The following AMOTL2 variants were observed in gnomAD, a reference collection of about 807,000 sequenced individuals.
The protein encoded by AMOTL2 is angiomotin like 2, also known as angiomotin-like protein 2.
A neutral mutation model predicts 78.4 loss-of-function variants in AMOTL2; 33 were observed. That is an observed-to-expected ratio of 0.42 (90% CI 0.32 to 0.56). The LOEUF is 0.56. Among genes scored for constraint, AMOTL2 ranks in the 20% least tolerant of loss-of-function variants. The pLI, the probability that AMOTL2 is intolerant of heterozygous loss-of-function variation, is 0.12. For synonymous variants in AMOTL2, 422 were observed against 428.8 expected (o/e 0.98, Z 0.20); for missense variants, 983 against 1,030.1 (o/e 0.95, Z 0.63).
intron 1 of AMOTL2, 140 bp from the exon 2 acceptor site, chr3:134,371,634 C>G: frequency 7.3e-7 from 1 of 1,378,910 alleles, no homozygotes; most frequent in Non-Finnish European, 9.5e-7. Context: ...TTCACACAAG[C>G]CTGGGTTCAA....
chr3:134,361,872 G>C, intron 5 of AMOTL2, 65 bp from the exon 6 acceptor site: 1 of 1,396,352 alleles, frequency 7.2e-7, no homozygotes, highest in Non-Finnish European at 9.6e-7. Context: ...TGCCTCCTGG[G>C]CTCAGTGCTG....
At chr3:134,374,151 C>T in intron 1 of AMOTL2, 191 bp downstream of exon 1, 1 of 823,008 alleles carries the variant, frequency 1.2e-6, no homozygotes, top group Non-Finnish European at 1.5e-6. Context: ...CAGCGCGCTG[C>T]GCTCCCTGGG....
Position 134,361,761 on chromosome 3 carries a change from T to G in AMOTL2, c.1326A>C (p.Ala442=), listed in dbSNP as rs1576577020. ...GGTCCTCGATGGCGCCGCGCAGCAG[T>G]GCCATCTCTCGCTCCAGCTTCTCTT... The part of the protein sequence containing the change: ...QEQEKLEREM[A]LLRGAIEDQR... Residue 442 remains alanine, a synonymous_variant, in exon 6 of 10, where the codon GCA becomes GCC. Coordinates refer to ENST00000249883, the MANE Select transcript of AMOTL2 (RefSeq NM_016201.4). 1.3e-6 allele frequency: 2 copies of G among 1,583,296 alleles called. No homozygotes were observed. The highest frequency in any genetic ancestry group is 1.7e-6 in the Non-Finnish European group (2 of 1,162,462).
At chr3:134,361,362 AT>A in intron 6 of AMOTL2, 149 bp downstream of exon 6, 1 of 926,344 alleles carries the variant, frequency 1.1e-6, no homozygotes, top group Non-Finnish European at 1.6e-6. Context: ...GAGAGCAATC[AT>A]CCTCGCCGCC....
In AMOTL2 at chr3:134,357,728, C is replaced by A. The variant is rs1193671193; in HGVS notation, c.2320G>T (p.Asp774Tyr). The change falls in exon 10 of 10, where the codon GAC (aspartate) becomes TAC (tyrosine). Residue 774 changes from aspartate to tyrosine, a missense_variant. Coordinates refer to ENST00000249883, the MANE Select transcript of AMOTL2 (RefSeq NM_016201.4). ...CTTCAGATCAGTATCTCCACCATGT[C>A]TGACAAGTCCTGGACTCTGGATGTA... ...VATSRVQDLS[D>Y]MVEILI 1.2e-6 allele frequency: 2 copies of A among 1,614,214 alleles called. No homozygotes were observed. The highest frequency in any genetic ancestry group is 4.5e-5 in the East Asian group (2 of 44,884).
intron 1 of AMOTL2, chr3:134,373,888 G>C: frequency 1.1e-6 from 1 of 948,598 alleles, no homozygotes; most frequent in Non-Finnish European, 1.3e-6. Context: ...CTCCAGAGAG[G>C]ATTTTCCAAG....
rs2107736972 is a variant in AMOTL2, at chr3:134,360,288, G to A, written c.1701C>T (p.Thr567=). ...EQILALEADM[T]KWEQKYLEER... ...CCTCCAAATACTTCTGCTCCCACTT[G>A]GTCATGTCGGCCTCCAGCGCCAGGA... Residue 567 remains threonine, a synonymous_variant, in exon 7 of 10, where the codon ACC becomes ACT. Coordinates refer to ENST00000249883, the MANE Select transcript of AMOTL2 (RefSeq NM_016201.4). 6.2e-7 allele frequency: 1 copy of A among 1,614,206 alleles called. No homozygotes were observed. Among genetic ancestry groups the A allele is most frequent in the Non-Finnish European group, 8.5e-7 (1 of 1,180,034 alleles).
In AMOTL2 at chr3:134,355,845, AGTGCAAAGTCTCACCT is replaced by A. The variant is rs962063517; in HGVS notation, c.*1844_*1859del. The stretch of plus-strand genomic sequence containing the variant: ...AAATCCTCACCCTTTCCCTTCCCTC[AGTGCAAAGTCTCACCT>A]GTGCAAAGACATCACTTTTAATTAT... On this transcript the variant is annotated 3_prime_UTR_variant, in exon 10 of 10. Coordinates refer to ENST00000249883, the MANE Select transcript of AMOTL2 (RefSeq NM_016201.4). 5 of 152,614 alleles carry A rather than the reference AGTGCAAAGTCTCACCT, an allele frequency of 3.3e-5. No individual in the cohort carries two copies. The highest frequency in any genetic ancestry group is 6.5e-5 in the Admixed American group (1 of 15,282). The allele number at this position is 152,614 out of a possible 1,614,324, so 9.5% of individuals were successfully genotyped here.
intron 5 of AMOTL2, among the ~76,000 whole-genome samples, chr3:134,362,861 G>A (rs1398366574): frequency 6.6e-6 from 1 of 152,188 alleles, no homozygotes; most frequent in Non-Finnish European, 1.5e-5. Flanking sequence ...CTGGAGAGCA[G>A]GTGGGGGGCA....
chr3:134,357,623 G>T lies in AMOTL2; in HGVS notation c.*82C>A. On this transcript the variant is annotated 3_prime_UTR_variant, in exon 10 of 10. Transcript: ENST00000249883. ...TGGGGAAAGGGACGGAGCAGCGGTT[G>T]ACGGGGCTGCTGAAATGGCTGAGAG... The T allele has an allele frequency of 7.2e-7, 1 of 1,391,294 alleles. No homozygotes were observed. Among genetic ancestry groups the T allele is most frequent in the South Asian group, 1.2e-5 (1 of 86,482 alleles). 86.2% of individuals were successfully genotyped at this position (1,391,294 alleles called of 1,614,324 possible).
intron 1 of AMOTL2, chr3:134,374,125 A>G: frequency 1.6e-6 from 1 of 644,416 alleles, no homozygotes; most frequent in Non-Finnish European, 1.9e-6. Flanking sequence ...GCGCGTTTCT[A>G]GAGCCCCGCA....
In AMOTL2 at chr3:134,355,925, C is replaced by A. The variant is rs1035560500; in HGVS notation, c.*1780G>T. 6.6e-6 allele frequency: 1 copy of A among 152,504 alleles called. No homozygotes were observed. Among genetic ancestry groups the A allele is most frequent in the Non-Finnish European group, 1.5e-5 (1 of 68,018 alleles). The allele number at this position is 152,504 out of a possible 1,614,324, so 9.4% of individuals were successfully genotyped here. On this transcript the variant is annotated 3_prime_UTR_variant, in exon 10 of 10. Coordinates refer to ENST00000249883, the MANE Select transcript of AMOTL2 (RefSeq NM_016201.4). Reference sequence around the variant, plus strand: ...AAATACTGTTATACCCAGTGGAATGCGGCAGCAATCCTGGTACAGGGTGGC... The same window carrying A: ...AAATACTGTTATACCCAGTGGAATGAGGCAGCAATCCTGGTACAGGGTGGC...
At chr3:134,371,841 T>G in intron 1 of AMOTL2, 2 of 235,960 alleles carry the variant, frequency 8.5e-6, no homozygotes, top group Non-Finnish European at 1.7e-5. Context: ...AGACTTACTA[T>G]TCCTGGAGAG....
chr3:134,375,090 C>T, upstream of AMOTL2: 1 of 1,488,820 alleles, frequency 6.7e-7, no homozygotes, highest in Non-Finnish European at 8.9e-7. Context: ...CCTTTGAATG[C>T]ACTTTTGTTT....
chr3:134,375,259 C>T, upstream of AMOTL2: 3 of 1,535,442 alleles, frequency 2.0e-6, no homozygotes, highest in South Asian at 3.6e-5. Flanking sequence ...CCCCTTTACG[C>T]AGAGTGCAAG....
chr3:134,363,763 C>T (rs2017477692), intron 5 of AMOTL2, among the ~76,000 whole-genome samples: 1 of 152,166 alleles, frequency 6.6e-6, no homozygotes, highest in African/African-American at 2.4e-5. Flanking sequence ...CAATCAGACA[C>T]CTCCCTTTGC....
intron 4 of AMOTL2, 57 bp downstream of exon 4, chr3:134,366,223 CAAA>C: frequency 3.8e-6 from 6 of 1,558,816 alleles, no homozygotes; most frequent in Non-Finnish European, 5.2e-6. Context: ...TTCTCTAGAA[CAAA>C]AGAAGTAAGT....
rs2017238598 is a variant in AMOTL2, at chr3:134,359,420, T to G, written c.1967A>C (p.Lys656Thr). 1.9e-6 allele frequency: 3 copies of G among 1,614,068 alleles called. No homozygotes were observed. Among genetic ancestry groups the G allele is most frequent in the Non-Finnish European group, 8.5e-7 (1 of 1,180,024 alleles). The change falls in exon 8 of 10, where the codon AAG becomes ACG. Residue 656 changes from lysine (K) to threonine (T), a missense_variant. Transcript: ENST00000249883. ...AGGCCGCAGGGAGCCCTGGATGGCC[T>G]TGCCAGGGTCTCTCCTGGAGCGCTG... Reference protein sequence around the residue: ...LQQRSRRDPGKAIQGSLRPAK... With the variant: ...LQQRSRRDPGTAIQGSLRPAK...
At chr3:134,362,206 T>TA (rs1244190582) in intron 5 of AMOTL2, among the ~76,000 whole-genome samples, 2 of 151,928 alleles carry the variant, frequency 1.3e-5, no homozygotes, top group Non-Finnish European at 2.9e-5. Context: ...GATGAGAAAA[T>TA]AGAGACTCAG....
Sources: allele counts gnomAD v4.1 joint callset (sites outside exome capture counted in the v4.1 genomes callset), GRCh38; gene constraint gnomAD v4.1.1; transcripts MANE v1.5; gene names NCBI Gene and HGNC (gene_info 2026-07-23, HGNC 2026-07-21).